Variants in CDH2 observed in about 807,000 individuals in gnomAD.
The protein encoded by CDH2 is cadherin-2.
CDH2 carries 17 observed loss-of-function variants against 92.0 expected under a neutral mutation model. That is an observed-to-expected ratio of 0.18 (90% CI 0.13 to 0.28). The LOEUF (loss-of-function observed/expected upper bound fraction) is 0.28, where lower values mean the gene tolerates loss of function less well. CDH2 is among the 10% of genes least tolerant of loss of function. The pLI, the probability that CDH2 is intolerant of heterozygous loss-of-function variation, is 1.00. For synonymous variants in CDH2, 419 were observed against 415.9 expected, an observed-to-expected ratio of 1.01 and a Z score of -0.09; for missense variants, 862 against 1,133.1, an observed-to-expected ratio of 0.76 and a Z score of 3.44.
intron 1 of CDH2, among the ~76,000 whole-genome samples, chr18:28,173,909 T>C (rs972931406): frequency 2.0e-5 from 3 of 152,222 alleles, no homozygotes; most frequent in African/African-American, 7.2e-5. Context: ...TATAATATTT[T>C]ATACTTTTAT....
At chr18:28,036,386 A>AT in intron 2 of CDH2, 1 of 766,898 alleles carries the variant, frequency 1.3e-6, no homozygotes, top group Admixed American at 1.9e-5. Context: ...TACTTTGTAC[A>AT]TAAGTCTTCT....
At chr18:27,965,957 C>T (rs1288988072) in intron 14 of CDH2, among the ~76,000 whole-genome samples, 1 of 138,466 alleles carries the variant, frequency 7.2e-6, no homozygotes, top group Non-Finnish European at 1.5e-5. Context: ...CACTGTACTC[C>T]AGCCCGGGCG....
intron 2 of CDH2, among the ~76,000 whole-genome samples, chr18:28,022,102 A>G (rs144346827): frequency 6.6e-6 from 1 of 152,162 alleles, no homozygotes; most frequent in East Asian, 1.9e-4. Context: ...TGGTCACCAC[A>G]TAACGAATTT....
chr18:28,025,421 G>C (rs1191948200), intron 2 of CDH2, among the ~76,000 whole-genome samples: 3 of 151,834 alleles, frequency 2.0e-5, no homozygotes, highest in African/African-American at 7.3e-5. Context: ...AGGAGGCTGA[G>C]GCAGGAGAAT....
intron 1 of CDH2, among the ~76,000 whole-genome samples, chr18:28,176,266 G>A (rs564119979): frequency 7.1e-4 from 108 of 152,316 alleles, no homozygotes; most frequent in Admixed American, 1.5e-3. Flanking sequence ...CTTCTCGCCC[G>A]GGGGAGATAC....
At chr18:28,171,185 T>C (rs2016459554) in intron 1 of CDH2, among the ~76,000 whole-genome samples, 1 of 149,376 alleles carries the variant, frequency 6.7e-6, no homozygotes, top group Admixed American at 6.7e-5. Context: ...GAGCCAAGAC[T>C]GTGCCACTGC....
chr18:28,046,544 T>C (rs2014080846), intron 2 of CDH2, among the ~76,000 whole-genome samples: 1 of 152,142 alleles, frequency 6.6e-6, no homozygotes, highest in African/African-American at 2.4e-5. Flanking sequence ...AAAAATCATA[T>C]ATTACTGAAT....
chr18:28,045,936 A>G (rs2014065990), intron 2 of CDH2, among the ~76,000 whole-genome samples: 1 of 152,222 alleles, frequency 6.6e-6, no homozygotes, highest in Non-Finnish European at 1.5e-5. Context: ...CATTCAGCTC[A>G]GTGACTATCA....
At chr18:28,045,446 G>T in intron 2 of CDH2, 1 of 467,376 alleles carries the variant, frequency 2.1e-6, no homozygotes, top group Non-Finnish European at 4.4e-6. Context: ...CAACAATGTG[G>T]CCACAGCCTA....
intron 5 of CDH2, among the ~76,000 whole-genome samples, chr18:28,006,666 C>T (rs969650872): frequency 6.2e-5 from 9 of 145,154 alleles, no homozygotes; most frequent in Admixed American, 3.5e-4. Context: ...TGCAGTGAGC[C>T]GAGATTGTGC....
At chr18:28,063,025 G>GT (rs918865469) in intron 2 of CDH2, among the ~76,000 whole-genome samples, 8 of 152,062 alleles carry the variant, frequency 5.3e-5, no homozygotes, top group Non-Finnish European at 1.0e-4. Context: ...TTAAAACTAT[G>GT]TTATAATAGC....
chr18:27,936,279 G>T (rs1344082432), intron 6 of CDH2, among the ~76,000 whole-genome samples: 2 of 152,092 alleles, frequency 1.3e-5, no homozygotes, highest in South Asian at 2.1e-4. Flanking sequence ...TAGACAAGCA[G>T]ACATTGTTAT....
At chr18:28,059,079 G>C (rs554737879) in intron 2 of CDH2, among the ~76,000 whole-genome samples, 1 of 152,292 alleles carries the variant, frequency 6.6e-6, no homozygotes, top group South Asian at 2.1e-4. Flanking sequence ...TTATCCTCCT[G>C]AGAGTCATAA....
intron 14 of CDH2, among the ~76,000 whole-genome samples, chr18:27,974,762 C>G (rs1417308476): frequency 6.6e-6 from 1 of 152,128 alleles, no homozygotes; most frequent in Non-Finnish European, 1.5e-5. Flanking sequence ...GTTGTTTGCT[C>G]CTTTCATTGT....
At chr18:27,935,066 C>T (rs1908985572) in intron 6 of CDH2, among the ~76,000 whole-genome samples, 1 of 152,136 alleles carries the variant, frequency 6.6e-6, no homozygotes, top group African/African-American at 2.4e-5. Context: ...TTGTATTATG[C>T]TGTTCCCTTT....
intron 6 of CDH2, among the ~76,000 whole-genome samples, chr18:27,933,526 CT>C: frequency 6.6e-6 from 1 of 152,076 alleles, no homozygotes; most frequent in East Asian, 1.9e-4. Context: ...AAGTAGCTCT[CT>C]GTTTGAATAT....
intron 2 of CDH2, among the ~76,000 whole-genome samples, chr18:28,121,929 G>A (rs1468466551): frequency 6.6e-6 from 1 of 152,032 alleles, no homozygotes; most frequent in Non-Finnish European, 1.5e-5. Flanking sequence ...CAGAGAGTTT[G>A]GGAACTGCAA....
chr18:28,010,171 G>A (rs1434829582), intron 4 of CDH2, among the ~76,000 whole-genome samples: 1 of 152,178 alleles, frequency 6.6e-6, no homozygotes, highest in East Asian at 1.9e-4. Context: ...ATCAAACTCT[G>A]TCCTGGGAGT....
At chr18:28,033,853 T>A (rs963581583) in intron 2 of CDH2, among the ~76,000 whole-genome samples, 1 of 152,078 alleles carries the variant, frequency 6.6e-6, no homozygotes, top group African/African-American at 2.4e-5. Flanking sequence ...AACCTCACTA[T>A]CTAATGAGAT....
Sources: gnomAD v4.1 joint callset for allele counts (sites outside exome capture counted in the v4.1 genomes callset) on GRCh38, gnomAD v4.1.1 for gene constraint, MANE v1.5 for transcripts, NCBI Gene and HGNC (gene_info 2026-07-23, HGNC 2026-07-21) for gene names.